The following OR5T1 variants were observed in gnomAD, a reference collection of about 807,000 sequenced individuals.
The protein encoded by OR5T1 is olfactory receptor 5T1.
In OR5T1, 14 loss-of-function variants were observed where a neutral mutation model predicts 10.1. The observed-to-expected ratio is 1.39, with a 90% CI of 0.92 to 2.18. The LOEUF is 2.18. Among genes scored for constraint, OR5T1 ranks in the 30% most tolerant of loss-of-function variants. The pLI is 0.00. For synonymous variants in OR5T1, 166 were observed against 141.2 expected, an observed-to-expected ratio of 1.18 and a Z score of -1.24; for missense variants, 461 against 383.9, an observed-to-expected ratio of 1.20 and a Z score of -1.68.
Position 56,275,941 on chromosome 11 carries a change from T to A in OR5T1, c.303T>A (p.Asn101Lys). 6.2e-7 allele frequency: 1 copy of A among 1,614,172 alleles called. No homozygotes were observed. Among genetic ancestry groups the A allele is most frequent in the African/African-American group, 1.3e-5 (1 of 75,040 alleles). Reference protein sequence around the residue: ...PKMLVNFLAKNKSISFLGCAT... With the variant: ...PKMLVNFLAKKKSISFLGCAT... ...TGTTGGTCAATTTCCTGGCAAAAAA[T>A]AAATCTATTTCATTTCTTGGATGTG... The change falls in exon 3 of 3, where the codon AAT becomes AAA. Residue 101 changes from asparagine to lysine, a missense_variant. Coordinates refer to ENST00000641665, the MANE Select transcript of OR5T1 (RefSeq NM_001004745.2).
intron 2 of OR5T1, among the ~76,000 whole-genome samples, chr11:56,274,958 A>T (rs1590816605): frequency 6.6e-6 from 1 of 152,174 alleles, no homozygotes; most frequent in Non-Finnish European, 1.5e-5. Flanking sequence ...TGTAGATATG[A>T]TTGTTTCCAT....
At position 56,276,129 on chromosome 11, in the gene OR5T1, G is replaced by T. The variant is rs779380837; in HGVS notation, c.491G>T (p.Ser164Ile). The change falls in exon 3 of 3, where the codon AGC (serine) becomes ATC (isoleucine). Residue 164 changes from serine (S) to isoleucine (I), a missense_variant. Physicochemically the swap from Ser to Ile is moderately radical, Grantham distance 142 (BLOSUM62 -2). Coordinates refer to ENST00000641665, the MANE Select transcript of OR5T1 (RefSeq NM_001004745.2). ...VPLITASYVA[S>I]ILHATIHTVA... ...CTCATCACTGCTTCCTATGTTGCTA[G>T]CATTTTACATGCTACTATACATACA... 6.2e-7 allele frequency: 1 copy of T among 1,614,044 alleles called. No individual in the cohort carries two copies. Among genetic ancestry groups the T allele is most frequent in the South Asian group, 1.1e-5 (1 of 91,074 alleles).
rs146671193 is a variant in OR5T1, at chr11:56,276,344, G to T, written c.706G>T (p.Ala236Ser). The T allele has an allele frequency of 9.3e-6, 15 of 1,614,048 alleles. No individual in the cohort carries two copies. The highest frequency in any genetic ancestry group is 1.3e-5 in the African/African-American group (1 of 75,010). ...VLISYGFILL[A>S]ILKMQSAEGR... ...GATCTCCTATGGTTTTATTCTGTTG[G>T]CCATTCTGAAGATGCAGTCTGCTGA... Residue 236 changes from alanine (A) to serine (S), a missense_variant, in exon 3 of 3, where the codon GCC becomes TCC. Coordinates refer to ENST00000641665, the MANE Select transcript of OR5T1 (RefSeq NM_001004745.2).
chr11:56,275,585 A>G lies in OR5T1; in HGVS notation c.-54A>G. 1 of 1,407,728 alleles carries G rather than the reference A, an allele frequency of 7.1e-7. No homozygotes were observed. Among genetic ancestry groups the G allele is most frequent in the South Asian group, 1.4e-5 (1 of 69,754 alleles). 87.2% of individuals were successfully genotyped at this position (1,407,728 alleles called of 1,614,324 possible). ...GAAACGAACATGAGGATATAATTGG[A>G]TAAACTTAATTTTCACAGGCTGTTG... On this transcript the variant is annotated 5_prime_UTR_variant, in exon 3 of 3. Coordinates refer to ENST00000641665, the MANE Select transcript of OR5T1 (RefSeq NM_001004745.2).
rs779171832 is a variant in OR5T1, at chr11:56,275,596, T to G, written c.-43T>G. On this transcript the variant is annotated 5_prime_UTR_variant, in exon 3 of 3. The change creates a new upstream start codon in the 5' untranslated region. Transcript: ENST00000641665. ...GAGGATATAATTGGATAAACTTAAT[T>G]TTCACAGGCTGTTGCATTTAGTACA... is the stretch of plus-strand genomic sequence containing the variant. 6.8e-7 allele frequency: 1 copy of G among 1,474,298 alleles called. No homozygotes were observed. Among genetic ancestry groups the G allele is most frequent in the Non-Finnish European group, 9.1e-7 (1 of 1,100,618 alleles). The allele number at this position is 1,474,298 out of a possible 1,614,324, so 91.3% of individuals were successfully genotyped here.
In OR5T1 at chr11:56,276,674, G is replaced by A. The variant is rs185997790; in HGVS notation, c.*55G>A. 7.1e-6 allele frequency: 9 copies of A among 1,266,394 alleles called. No individual in the cohort carries two copies. 78.4% of individuals were successfully genotyped at this position (1,266,394 alleles called of 1,614,324 possible). On this transcript the variant is annotated 3_prime_UTR_variant, in exon 3 of 3. Transcript: ENST00000641665. ...ATTGGGTGTCAGTCCACATCTCTAT[G>A]GTCAGAAAGTAGAGAAGAAAATGTG... is the stretch of plus-strand genomic sequence containing the variant.
At chr11:56,274,541 C>T (rs563364050) in intron 1 of OR5T1, 95 bp from the exon 2 acceptor site, 54 of 151,852 alleles carry the variant, frequency 3.6e-4, no homozygotes, top group African/African-American at 9.4e-4. Context: ...TAAATTGACA[C>T]GTCTGATATT....
Position 56,276,250 on chromosome 11 carries a change from T to C in OR5T1, c.612T>C (p.Thr204=), listed in dbSNP as rs1316382882. ...PPLLAISCSD[T]HVIQLLFFYF... is the part of the protein sequence containing the mutation. The stretch of plus-strand genomic sequence containing the variant: ...TGCTTGCTATTTCTTGTTCTGACAC[T>C]CACGTAATCCAGCTTCTATTCTTCT... Residue 204 remains threonine, a synonymous_variant, in exon 3 of 3, where the codon ACT becomes ACC. Coordinates refer to ENST00000641665, the MANE Select transcript of OR5T1 (RefSeq NM_001004745.2). The C allele has an allele frequency of 6.2e-7, 1 of 1,614,146 alleles. No individual in the cohort carries two copies. Among genetic ancestry groups the C allele is most frequent in the South Asian group, 1.1e-5 (1 of 91,080 alleles).
At chr11:56,274,831 T>C (rs1267742181) in intron 2 of OR5T1, 78 bp downstream of exon 2, 4 of 151,958 alleles carry the variant, frequency 2.6e-5, no homozygotes, top group African/African-American at 7.2e-5. Flanking sequence ...AAAGACTGTC[T>C]CAAATGATAA....
Position 56,276,341 on chromosome 11 carries a change from T to C in OR5T1, c.703T>C (p.Leu235=), listed in dbSNP as rs1163324536. The C allele has an allele frequency of 6.2e-6, 10 of 1,614,046 alleles. No individual in the cohort carries two copies. In the Admixed American group the frequency reaches 6.7e-5, roughly 11 times the overall value. The stretch of plus-strand genomic sequence containing the variant: ...CCTGATCTCCTATGGTTTTATTCTG[T>C]TGGCCATTCTGAAGATGCAGTCTGC... ...IVLISYGFIL[L]AILKMQSAEG... The change falls in exon 3 of 3, where the codon TTG becomes CTG. Residue 235 remains leucine (L), a synonymous_variant. Transcript: ENST00000641665.
Position 56,274,675 on chromosome 11 carries a change from A to C in OR5T1, c.-232A>C, listed in dbSNP as rs1185925369. The C allele has an allele frequency of 6.6e-6, 1 of 152,170 alleles. No individual in the cohort carries two copies. Among genetic ancestry groups the C allele is most frequent in the African/African-American group, 2.4e-5 (1 of 41,450 alleles). 9.4% of individuals were successfully genotyped at this position (152,170 alleles called of 1,614,324 possible). A position where few individuals can be genotyped will look rare whatever the true frequency, so the allele number is the denominator to read the frequency against. Reference sequence around the variant, plus strand: ...ACACAAAAGGAAAAATAAATGAAAAATGAACACCAAATTCTTTTGGTTTGC... The same window carrying C: ...ACACAAAAGGAAAAATAAATGAAAACTGAACACCAAATTCTTTTGGTTTGC... On this transcript the variant is annotated 5_prime_UTR_variant, in exon 2 of 3. An upstream start codon of the reference 5' UTR is lost. Coordinates refer to ENST00000641665, the MANE Select transcript of OR5T1 (RefSeq NM_001004745.2).
Position 56,275,487 on chromosome 11 carries a change from A to G in OR5T1, c.-152A>G, listed in dbSNP as rs1853925113. On this transcript the variant is annotated splice_region_variant and 5_prime_UTR_variant, in exon 3 of 3. Transcript: ENST00000641665. ...TTTATTTAATTTATTTAATTACAGT[A>G]ATGTATCCACTTGGACCCAATTTTA... 1.8e-6 allele frequency: 1 copy of G among 564,242 alleles called. No homozygotes were observed. Among genetic ancestry groups the G allele is most frequent in the South Asian group, 3.3e-5 (1 of 30,432 alleles). The allele number at this position is 564,242 out of a possible 1,614,324, so 35.0% of individuals were successfully genotyped here. A position where few individuals can be genotyped will look rare whatever the true frequency, so the allele number is the denominator to read the frequency against.
chr11:56,276,722 G>C lies in OR5T1; in HGVS notation c.*103G>C. 1.3e-6 allele frequency: 1 copy of C among 765,996 alleles called. No homozygotes were observed. The highest frequency in any genetic ancestry group is 2.1e-6 in the Non-Finnish European group (1 of 476,870). 47.4% of individuals were successfully genotyped at this position (765,996 alleles called of 1,614,324 possible). Reference sequence around the variant, plus strand: ...GTGTTTCTTTTAGTTAACAGTGCTTGTAACTTCTAGAATATTTTCAAATAA... The same window carrying C: ...GTGTTTCTTTTAGTTAACAGTGCTTCTAACTTCTAGAATATTTTCAAATAA... On this transcript the variant is annotated 3_prime_UTR_variant, in exon 3 of 3. Transcript: ENST00000641665.
intron 2 of OR5T1, among the ~76,000 whole-genome samples, chr11:56,275,279 G>A (rs550736791): frequency 3.9e-5 from 6 of 151,966 alleles, no homozygotes; most frequent in Admixed American, 3.9e-4. Context: ...CCCACCCTCC[G>A]ACCGGCCCTG....
In OR5T1 at chr11:56,276,340, G is replaced by A. The variant is rs143468241; in HGVS notation, c.702G>A (p.Leu234=). Residue 234 remains leucine, a synonymous_variant, in exon 3 of 3, where the codon CTG becomes CTA. Coordinates refer to ENST00000641665, the MANE Select transcript of OR5T1 (RefSeq NM_001004745.2). ...LIVLISYGFI[L]LAILKMQSAE... ...TCCTGATCTCCTATGGTTTTATTCT[G>A]TTGGCCATTCTGAAGATGCAGTCTG... 2 of 1,613,892 alleles carry A rather than the reference G, an allele frequency of 1.2e-6. No homozygotes were observed. Among genetic ancestry groups the A allele is most frequent in the African/African-American group, 1.3e-5 (1 of 74,878 alleles).
intron 2 of OR5T1, 136 bp from the exon 3 acceptor site, chr11:56,275,350 T>G: frequency 2.0e-5 from 5 of 250,912 alleles, no homozygotes; most frequent in Non-Finnish European, 1.5e-5. Flanking sequence ...CACTTACGTG[T>G]GAGAACATGC....
In OR5T1 at chr11:56,275,813, G is replaced by T. The variant is rs1205856465; in HGVS notation, c.175G>T (p.Val59Leu). The T allele has an allele frequency of 6.2e-7, 1 of 1,613,164 alleles. No individual in the cohort carries two copies. Among genetic ancestry groups the T allele is most frequent in the South Asian group, 1.1e-5 (1 of 91,060 alleles). The change falls in exon 3 of 3, where the codon GTA (valine) becomes TTA (leucine). Residue 59 changes from valine (V) to leucine (L), a missense_variant. Physicochemically the swap from Val to Leu is conservative, Grantham distance 32. Coordinates refer to ENST00000641665, the MANE Select transcript of OR5T1 (RefSeq NM_001004745.2). ...TCTAATAGGCAATTTAGGGCTGGTT[G>T]TACCGATCATTGGGGATTTCTGGCT... ...FTLIGNLGLVVPIIGDFWLHS... is the reference protein window; with the variant it reads ...FTLIGNLGLVLPIIGDFWLHS...
In OR5T1 at chr11:56,275,750, T is replaced by C; in HGVS notation, c.112T>C (p.Phe38Leu). The change falls in exon 3 of 3, where the codon TTC (phenylalanine) becomes CTC (leucine). Residue 38 changes from phenylalanine (F) to leucine (L), a missense_variant. By Grantham distance (22) the Phe-to-Leu change is conservative. Coordinates refer to ENST00000641665, the MANE Select transcript of OR5T1 (RefSeq NM_001004745.2). The stretch of plus-strand genomic sequence containing the variant: ...CACAGAAGAATTTGATGTGCAAGTC[T>C]TCCTATTTTTATTATTTTTAGCAAT... ...SFTEEFDVQV[F>L]LFLLFLAIYL... The C allele has an allele frequency of 1.2e-6, 2 of 1,611,916 alleles. No individual in the cohort carries two copies. Among genetic ancestry groups the C allele is most frequent in the East Asian group, 2.2e-5 (1 of 44,850 alleles).
chr11:56,274,262 A>G (rs1330789642), intron 1 of OR5T1, 90 bp downstream of exon 1: 1 of 152,230 alleles, frequency 6.6e-6, no homozygotes, highest in Non-Finnish European at 1.5e-5. Context: ...CTATTTAAAT[A>G]TAAGAAAGAG....
Sources: allele counts gnomAD v4.1 joint callset (sites outside exome capture counted in the v4.1 genomes callset), GRCh38; gene constraint gnomAD v4.1.1; transcripts MANE v1.5; gene names NCBI Gene and HGNC (gene_info 2026-07-23, HGNC 2026-07-21).